Variants in CDH3 observed in about 807,000 individuals in gnomAD.
The protein encoded by CDH3 is cadherin-3.
CDH3 carries 54 observed loss-of-function variants against 82.0 expected under a neutral mutation model. The ratio of observed to expected loss-of-function variants is 0.66; its 90% CI spans 0.53 to 0.83. The LOEUF is 0.83. Among genes scored for constraint, CDH3 ranks in the 40% least tolerant of loss-of-function variants. The pLI is 0.00. For missense variants in CDH3, 1,054 were observed against 1,084.6 expected, an observed-to-expected ratio of 0.97 and a Z score of 0.40; for synonymous variants, 446 against 437.9, an observed-to-expected ratio of 1.02 and a Z score of -0.23.
In CDH3 at chr16:68,654,380, A is replaced by ATTTTTTTTTTTTTTT. The variant is rs1176713669; in HGVS notation, c.160+8654_160+8668dup. 2.5e-4 allele frequency among the ~76,000 whole-genome samples: 12 copies of ATTTTTTTTTTTTTTT among 48,530 alleles called. 1 individual carries two copies. Among genetic ancestry groups the ATTTTTTTTTTTTTTT allele is most frequent in the East Asian group, 6.3e-4 (1 of 1,580 alleles). 31.8% of individuals were successfully genotyped at this position (48,530 alleles called of 152,430 possible). A position where few individuals can be genotyped will look rare whatever the true frequency, so the allele number is the denominator to read the frequency against. ...GGCCTTTTTCTTAATTTTTAAATTA[A>ATTTTTTTTTTTTTTT]TTTTTTTTTTTTTTTTTTTTTTTTT... On this transcript the variant is annotated intron_variant, in intron 2 of 15. Coordinates refer to ENST00000264012, the MANE Select transcript of CDH3 (RefSeq NM_001793.6).
At chr16:68,650,937 T>TA (rs377604279) in intron 2 of CDH3, 7,256 of 157,916 alleles carry the variant, frequency 0.046, 314 homozygotes, top group African/African-American at 0.14. Flanking sequence ...TTGAACAGGT[T>TA]AAAAAAAAAA....
Position 68,717,114 on chromosome 16 carries a change from GT to G in CDH3, c.100-5310del, listed in dbSNP as rs561499734. 3.9e-3 allele frequency among the ~76,000 whole-genome samples: 592 copies of G among 152,182 alleles called. 6 individuals are homozygous for G. The highest frequency in any genetic ancestry group is 0.013 in the African/African-American group (551 of 41,540). On this transcript the variant is annotated intron_variant, in intron 1 of 2. Coordinates refer to the CDH3 transcript ENST00000569080. ...AATGTCAATTGTGATTATCTCTAGA[GT>G]GACAGATGATTTGTATTTTTCTTAT...
At chr16:68,689,593 C>T (rs927309348) in intron 12 of CDH3, among the ~76,000 whole-genome samples, 11 of 151,578 alleles carry the variant, frequency 7.3e-5, no homozygotes, top group African/African-American at 1.7e-4. Flanking sequence ...TCACCACTGC[C>T]ATCGTCATCA....
chr16:68,708,019 C>T (rs1209616824), intron 1 of CDH3, among the ~76,000 whole-genome samples: 4 of 152,210 alleles, frequency 2.6e-5, no homozygotes, highest in South Asian at 2.1e-4. Flanking sequence ...TCCAGGAAGA[C>T]GATGCCCACT....
intron 1 of CDH3, among the ~76,000 whole-genome samples, chr16:68,718,966 C>T (rs965618923): frequency 4.6e-5 from 7 of 151,932 alleles, no homozygotes; most frequent in African/African-American, 7.3e-5. Context: ...GGGCCGGGCG[C>T]GGTGGCTCCC....
In CDH3 at chr16:68,695,302, A is replaced by G. The variant is rs1470963916; in HGVS notation, c.2050A>G (p.Lys684Glu). 2 of 1,614,086 alleles carry G rather than the reference A, an allele frequency of 1.2e-6. No homozygotes were observed. The highest frequency in any genetic ancestry group is 1.7e-6 in the Non-Finnish European group (2 of 1,179,998). ...LLLVRKKRKIKEPLLLPEDDT... is the reference protein window; with the variant it reads ...LLLVRKKRKIEEPLLLPEDDT... ...GTTGGTGAGAAAGAAGCGGAAGATC[A>G]AGGAGCCCCTCCTACTCCCAGAAGA... Residue 684 changes from lysine (K) to glutamate (E), a missense_variant, in exon 14 of 16, where the codon AAG becomes GAG. Lys to Glu is a moderately conservative substitution (Grantham distance 56). Coordinates refer to ENST00000264012, the MANE Select transcript of CDH3 (RefSeq NM_001793.6).
downstream of CDH3, among the ~76,000 whole-genome samples, chr16:68,732,349 A>G (rs1442839195): frequency 6.6e-6 from 1 of 152,122 alleles, no homozygotes; most frequent in East Asian, 1.9e-4. Context: ...CCCAATCTGA[A>G]CCCTATGACT....
At chr16:68,732,894 G>C in the CDH3 span, among the ~76,000 whole-genome samples, 4 of 151,496 alleles carry the variant, frequency 2.6e-5, no homozygotes, top group East Asian at 7.8e-4. Flanking sequence ...TGAGCTGGCC[G>C]GCATGAAAGA....
chr16:68,656,327 C>T (rs554339814), intron 2 of CDH3, among the ~76,000 whole-genome samples: 2 of 152,186 alleles, frequency 1.3e-5, no homozygotes, highest in African/African-American at 2.4e-5. Flanking sequence ...ACTCCCCTCC[C>T]GATTCTCAGA....
Position 68,707,288 on chromosome 16 carries a change from G to A in CDH3, c.99+11365G>A, listed in dbSNP as rs1232617747. The stretch of plus-strand genomic sequence containing the variant: ...ATGAGGTTGGACAGGTAAGGAGCGG[G>A]GGGCCAAGGCGCCCAGTCCTGGGTG... On this transcript the variant is annotated intron_variant, in intron 1 of 2. Coordinates refer to the CDH3 transcript ENST00000569080. The surrounding 1 kb of genome is among the most constrained non-coding windows in gnomAD (Gnocchi z 4.5). Among the ~76,000 whole-genome samples the A allele has an allele frequency of 6.6e-6, 1 of 152,194 alleles. No individual in the cohort carries two copies. Among genetic ancestry groups the A allele is most frequent in the Non-Finnish European group, 1.5e-5 (1 of 68,032 alleles).
rs372986752 is a variant in CDH3, at chr16:68,691,868, T to C, written c.1944T>C (p.Pro648=). 2.5e-6 allele frequency: 4 copies of C among 1,614,144 alleles called. No homozygotes were observed. The South Asian group carries it at 3.3e-5, about 13-fold the overall frequency. The part of the protein sequence containing the change: ...CDCHGHVETC[P]GPWKGGFILP... The stretch of plus-strand genomic sequence containing the variant: ...GCCATGGCCATGTCGAAACCTGCCC[T>C]GGACCCTGGAAGGGAGGTTTCATCC... Residue 648 remains proline, a synonymous_variant, in exon 13 of 16, where the codon CCT becomes CCC. Transcript: ENST00000264012.
At chr16:68,677,410 G>T (rs1961061689) in intron 3 of CDH3, among the ~76,000 whole-genome samples, 1 of 152,226 alleles carries the variant, frequency 6.6e-6, no homozygotes, top group African/African-American at 2.4e-5. Flanking sequence ...CTATTAAGCT[G>T]CCCTATACCT....
intron 2 of CDH3, among the ~76,000 whole-genome samples, chr16:68,649,498 A>G (rs1017894640): frequency 6.6e-6 from 1 of 152,254 alleles, no homozygotes; most frequent in Admixed American, 6.5e-5. Flanking sequence ...AACTAAAGCA[A>G]TGAACAAAAC....
At chr16:68,731,952 A>G (rs1461423793), downstream of CDH3, among the ~76,000 whole-genome samples, 2 of 152,232 alleles carry the variant, frequency 1.3e-5, no homozygotes, top group Non-Finnish European at 2.9e-5. Flanking sequence ...AATTGCAAAA[A>G]ACTACTGTTG....
chr16:68,712,217 T>C (rs890022905), intron 1 of CDH3, among the ~76,000 whole-genome samples: 5 of 151,772 alleles, frequency 3.3e-5, no homozygotes, highest in Non-Finnish European at 5.9e-5. Context: ...TTGTACTTTT[T>C]ATAGAGATGG....
chr16:68,674,311 T>C (rs145027030), intron 2 of CDH3, among the ~76,000 whole-genome samples: 39 of 152,374 alleles, frequency 2.6e-4, no homozygotes, highest in Non-Finnish European at 4.6e-4. Flanking sequence ...TTCATGTGCT[T>C]ATTGGCCATT....
chr16:68,731,048 ATATATATATATATAT>A (rs1313466455), downstream of CDH3, among the ~76,000 whole-genome samples: 2 of 10,034 alleles, frequency 2.0e-4, no homozygotes, highest in Non-Finnish European at 4.2e-4. Flanking sequence ...AAAAAAAAAA[ATATATATATATATAT>A]ATATATATAT....
intron 12 of CDH3, among the ~76,000 whole-genome samples, chr16:68,689,318 G>A (rs776128798): frequency 4.6e-5 from 7 of 152,008 alleles, no homozygotes; most frequent in Non-Finnish European, 7.4e-5. Context: ...CGGATCACGA[G>A]GTCAAGAGGT....
rs549268656 is a variant in CDH3 at position 68,705,985 on chromosome 16, A to C, written c.99+10062A>C. Among the ~76,000 whole-genome samples, 712 of 150,668 alleles carry C rather than the reference A, an allele frequency of 4.7e-3. 8 individuals are homozygous for C. Among genetic ancestry groups the C allele is most frequent in the African/African-American group, 0.017 (678 of 41,006 alleles). On this transcript the variant is annotated intron_variant, in intron 1 of 2. Coordinates refer to the CDH3 transcript ENST00000569080. ...GAGGCTGAGGCAGGAGAATGGCATG[A>C]ACCTGGGAGGCAGAGCTTGCAGTGA...
Sources: allele counts gnomAD v4.1 joint callset (sites outside exome capture counted in the v4.1 genomes callset), GRCh38; gene constraint gnomAD v4.1.1; non-coding constraint Gnocchi (gnomAD v3.1); transcripts MANE v1.5; gene names NCBI Gene and HGNC (gene_info 2026-07-23, HGNC 2026-07-21).